TIAL1: variants seen among roughly 807,000 people sequenced by gnomAD.
The protein encoded by TIAL1 is TIA1 cytotoxic granule associated RNA binding protein like 1.
TIAL1 carries 7 observed loss-of-function variants against 59.7 expected under a neutral mutation model. The ratio of observed to expected loss-of-function variants is 0.12; its 90% confidence interval spans 0.07 to 0.22. The LOEUF (loss-of-function observed/expected upper bound fraction) is 0.22, where lower values mean the gene tolerates loss of function less well. Among genes scored for constraint, TIAL1 ranks in the 10% least tolerant of loss-of-function variants. The pLI, the probability that TIAL1 is intolerant of heterozygous loss-of-function variation, is 1.00. For missense variants in TIAL1, 225 were observed against 462.5 expected (o/e 0.49, Z 4.71); for synonymous variants, 149 against 146.3 (o/e 1.02, Z -0.13).
At chr10:119,588,846 T>A (rs1157879935) in intron 1 of TIAL1, among the ~76,000 whole-genome samples, 1 of 152,224 alleles carries the variant, frequency 6.6e-6, no homozygotes. Flanking sequence ...ACCCTGGATA[T>A]CATTTTCTCA....
chr10:119,595,163 T>C (rs780067163), intron 1 of TIAL1, among the ~76,000 whole-genome samples: 24 of 152,202 alleles, frequency 1.6e-4, no homozygotes, highest in Non-Finnish European at 3.4e-4. Context: ...AACATCTATC[T>C]TCTTTACTGA....
intron 1 of TIAL1, among the ~76,000 whole-genome samples, chr10:119,591,669 G>T (rs771745803): frequency 1.8e-4 from 27 of 152,146 alleles, no homozygotes; most frequent in Non-Finnish European, 3.4e-4. Context: ...AACATGAAAG[G>T]CCTTCCATAA....
intron 11 of TIAL1, 44 bp from the exon 12 acceptor site, chr10:119,575,835 A>T: frequency 6.6e-7 from 1 of 1,514,686 alleles, no homozygotes; most frequent in Non-Finnish European, 8.8e-7. Flanking sequence ...CAAGAAAAAA[A>T]AAATCACATA....
At position 119,586,606 on chromosome 10, in the gene TIAL1, G is replaced by A. The variant is rs138456655; in HGVS notation, c.129+1546C>T. 3.9e-4 allele frequency among the ~76,000 whole-genome samples: 59 copies of A among 152,274 alleles called. 1 individual carries two copies. In the East Asian group the frequency reaches 0.011, roughly 28 times the overall value. ...CCTGCTTAAGCCCCTCCACTGGTCT[G>A]CCACAGCAATCAGAGTAAAACCTAA... On this transcript the variant is annotated intron_variant, in intron 2 of 11. Coordinates refer to ENST00000436547, the MANE Select transcript of TIAL1 (RefSeq NM_003252.4).
rs1846229640 is a variant in TIAL1 at position 119,596,804 on chromosome 10, A to T, written c.-339T>A. 1 of 368,948 alleles carries T rather than the reference A, an allele frequency of 2.7e-6. No homozygotes were observed. The highest frequency in any genetic ancestry group is 5.0e-6 in the Non-Finnish European group (1 of 199,012). The allele number at this position is 368,948 out of a possible 1,614,324, so 22.9% of individuals were successfully genotyped here. On this transcript the variant is annotated 5_prime_UTR_variant, in exon 1 of 12. Transcript: ENST00000436547. ...GGAGAGAAAAAAGGGCCGCCGAGGA[A>T]ACCCTGGGACCCGCTCACGACGGAT...
At chr10:119,580,287 CCTTT>C (rs1261086145) in intron 5 of TIAL1, 10 of 361,754 alleles carry the variant, frequency 2.8e-5, no homozygotes, top group Admixed American at 4.5e-5. Flanking sequence ...CAACAGTTTC[CCTTT>C]CTAATATTCT....
chr10:119,584,828 C>CA (rs1845473521), intron 2 of TIAL1, among the ~76,000 whole-genome samples: 1 of 150,954 alleles, frequency 6.6e-6, no homozygotes, highest in African/African-American at 2.4e-5. Flanking sequence ...GACTCTGTCT[C>CA]AAAAAAAAGT....
chr10:119,573,868 T>C lies in TIAL1; in HGVS notation c.*1797A>G, dbSNP rs557105103. ...TGGCCCAGCTATGAATTTCAGACCC[T>C]ATGAATTTTTATGTTGAATACATTT... On this transcript the variant is annotated 3_prime_UTR_variant, in exon 12 of 12. Transcript: ENST00000436547. 1.3e-5 allele frequency: 2 copies of C among 152,346 alleles called. No homozygotes were observed. Among genetic ancestry groups the C allele is most frequent in the South Asian group, 4.1e-4 (2 of 4,832 alleles). The allele number at this position is 152,346 out of a possible 1,614,324, so 9.4% of individuals were successfully genotyped here. A position where few individuals can be genotyped will look rare whatever the true frequency, so the allele number is the denominator to read the frequency against.
intron 1 of TIAL1, among the ~76,000 whole-genome samples, chr10:119,591,193 C>T (rs1176206268): frequency 5.3e-5 from 8 of 152,050 alleles, no homozygotes; most frequent in African/African-American, 1.9e-4. Context: ...CACTTGAGGT[C>T]AGGAGTTCAA....
At position 119,573,606 on chromosome 10, in the gene TIAL1, C is replaced by T. The variant is rs1371976585; in HGVS notation, c.*2059G>A. Reference sequence around the variant, plus strand: ...GGCAGACCAAAACAGGCATACTAAGCATTTTTATCAATTAAAAAAAGTCTT... The same window carrying T: ...GGCAGACCAAAACAGGCATACTAAGTATTTTTATCAATTAAAAAAAGTCTT... On this transcript the variant is annotated 3_prime_UTR_variant, in exon 12 of 12. Coordinates refer to ENST00000436547, the MANE Select transcript of TIAL1 (RefSeq NM_003252.4). 1 of 152,500 alleles carries T rather than the reference C, an allele frequency of 6.6e-6. No individual in the cohort carries two copies. The highest frequency in any genetic ancestry group is 1.5e-5 in the Non-Finnish European group (1 of 68,016). 9.4% of individuals were successfully genotyped at this position (152,500 alleles called of 1,614,324 possible).
rs1844871069 is a variant in TIAL1 at position 119,574,586 on chromosome 10, C to CAAAAAAAAAAAAAAGAA, written c.*1078_*1079insTTCTTTTTTTTTTTTTT. On this transcript the variant is annotated 3_prime_UTR_variant, in exon 12 of 12. Coordinates refer to ENST00000436547, the MANE Select transcript of TIAL1 (RefSeq NM_003252.4). ...TATTTACATACCAAGTAATGTAAAGCAAAAAAAAAAAAAAAAAAAAACAAA... is the reference window on the plus strand; with the variant it reads ...TATTTACATACCAAGTAATGTAAAGCAAAAAAAAAAAAAAGAAAAAAAAAAAAAAAAAAAAAAACAAA... The CAAAAAAAAAAAAAAGAA allele has an allele frequency of 1.2e-5, 1 of 86,546 alleles. No homozygotes were observed. Among genetic ancestry groups the CAAAAAAAAAAAAAAGAA allele is most frequent in the African/African-American group, 4.3e-5 (1 of 23,280 alleles). The allele number at this position is 86,546 out of a possible 1,614,324, so 5.4% of individuals were successfully genotyped here. A position where few individuals can be genotyped will look rare whatever the true frequency, so the allele number is the denominator to read the frequency against.
intron 7 of TIAL1, among the ~76,000 whole-genome samples, chr10:119,578,081 T>C (rs1245049940): frequency 5.9e-5 from 9 of 151,874 alleles, no homozygotes; most frequent in Non-Finnish European, 1.3e-4. Context: ...AAAAATTGGC[T>C]GGGTGTGGTG....
At chr10:119,579,013 CAATCTAAGCAAA>C in intron 6 of TIAL1, 179 bp from the exon 7 acceptor site, 1 of 595,756 alleles carries the variant, frequency 1.7e-6, no homozygotes, top group East Asian at 2.8e-5. Context: ...ACTTGAGATT[CAATCTAAGCAAA>C]AACAGAATAC....
chr10:119,584,224 C>T (rs1390726490), intron 2 of TIAL1, among the ~76,000 whole-genome samples: 4 of 152,106 alleles, frequency 2.6e-5, no homozygotes, highest in Admixed American at 2.0e-4. Context: ...TTTATATATT[C>T]ACATCACACT....
intron 1 of TIAL1, among the ~76,000 whole-genome samples, chr10:119,595,585 G>A (rs1271730988): frequency 1.3e-5 from 2 of 152,134 alleles, no homozygotes; most frequent in Non-Finnish European, 2.9e-5. Flanking sequence ...TGAGCTTCAG[G>A]TAAAAAGCAA....
chr10:119,596,245 T>A (rs565626045), intron 1 of TIAL1, among the ~76,000 whole-genome samples, 189 bp downstream of exon 1: 4 of 152,030 alleles, frequency 2.6e-5, no homozygotes, highest in Non-Finnish European at 5.9e-5. Context: ...AAGTGACTGT[T>A]TGGGGGAAGG....
At chr10:119,580,652 T>C in intron 5 of TIAL1, 1 of 994,408 alleles carries the variant, frequency 1.0e-6, no homozygotes, top group Non-Finnish European at 1.2e-6. Context: ...GAAATTTTAG[T>C]GAGTAAGTTA....
At chr10:119,596,398 T>A (rs770864419) in intron 1 of TIAL1, 36 bp downstream of exon 1, 1 of 1,610,508 alleles carries the variant, frequency 6.2e-7, no homozygotes, top group Non-Finnish European at 8.5e-7. Flanking sequence ...TGCCCGGGCC[T>A]CTTGGCGCCT....
intron 1 of TIAL1, chr10:119,593,459 C>G: frequency 1.0e-6 from 1 of 985,342 alleles, no homozygotes; most frequent in Non-Finnish European, 1.2e-6. Context: ...TACCTAGGCT[C>G]TAAACACCAT....
Sources: allele counts gnomAD v4.1 joint callset (sites outside exome capture counted in the v4.1 genomes callset), GRCh38; gene constraint gnomAD v4.1.1; transcripts MANE v1.5; gene names NCBI Gene and HGNC (gene_info 2026-07-23, HGNC 2026-07-21).